The following SAMD5 variants were observed in gnomAD, a reference collection of about 807,000 sequenced individuals.
SAMD5 encodes the protein sterile alpha motif domain containing 5.
Under a neutral mutation model 11.3 loss-of-function variants are expected in SAMD5, and 13 were observed. The ratio of observed to expected loss-of-function variants is 1.15; its 90% CI spans 0.75 to 1.83. The LOEUF is 1.83. Among genes scored for constraint, SAMD5 ranks in the 40% most tolerant of loss-of-function variants. SAMD5 has a pLI of 0.00. For synonymous variants in SAMD5, 129 were observed against 111.3 expected (o/e 1.16, Z -1.00); for missense variants, 255 against 239.1 (o/e 1.07, Z -0.44).
At chr6:147,932,271 C>T in the SAMD5 span, among the ~76,000 whole-genome samples, 1 of 152,054 alleles carries the variant, frequency 6.6e-6, no homozygotes, top group Non-Finnish European at 1.5e-5. Flanking sequence ...TTTCAGAGAG[C>T]TGGGTCCTAG....
At chr6:147,511,882 TTTTC>T (rs1367163239) in intron 1 of SAMD5, among the ~76,000 whole-genome samples, 1 of 152,204 alleles carries the variant, frequency 6.6e-6, no homozygotes, top group Non-Finnish European at 1.5e-5. Flanking sequence ...TGCTAGAACT[TTTTC>T]TTTTCTTGTG....
chr6:147,840,668 G>C, the SAMD5 span, among the ~76,000 whole-genome samples: 1 of 152,200 alleles, frequency 6.6e-6, no homozygotes, highest in African/African-American at 2.4e-5. Context: ...GCTGGTTAAG[G>C]AATGTTTGCT....
intron 1 of SAMD5, among the ~76,000 whole-genome samples, chr6:147,684,792 A>C (rs1790986363): frequency 6.6e-6 from 1 of 152,230 alleles, no homozygotes; most frequent in Middle Eastern, 3.2e-3. Context: ...AATTGACTAA[A>C]GCTAACTTAA....
chr6:147,830,787 A>C, the SAMD5 span, among the ~76,000 whole-genome samples: 1 of 152,356 alleles, frequency 6.6e-6, no homozygotes, highest in South Asian at 2.1e-4. Flanking sequence ...TCACTAATGC[A>C]GGATTTTCTG....
At chr6:147,849,312 C>G in the SAMD5 span, among the ~76,000 whole-genome samples, 1 of 151,888 alleles carries the variant, frequency 6.6e-6, no homozygotes, top group Non-Finnish European at 1.5e-5. Flanking sequence ...CTTATATAAT[C>G]AAAAAGAGGC....
At chr6:147,698,125 A>T (rs9377076) in intron 1 of SAMD5, among the ~76,000 whole-genome samples, 101,972 of 151,974 alleles carry the variant, frequency 0.67, 34,379 homozygotes, top group Admixed American at 0.74. Flanking sequence ...ATCCAACAGG[A>T]GGCGGAGCTC....
At chr6:147,843,433 A>C in the SAMD5 span, among the ~76,000 whole-genome samples, 1 of 152,196 alleles carries the variant, frequency 6.6e-6, no homozygotes, top group African/African-American at 2.4e-5. Context: ...GTGAACTGCA[A>C]ATTCAGTGCA....
intron 1 of SAMD5, among the ~76,000 whole-genome samples, chr6:147,702,165 T>C (rs6926265): frequency 0.73 from 110,487 of 152,094 alleles, 40,993 homozygotes; most frequent in African/African-American, 0.88. Flanking sequence ...AAAGCATGTG[T>C]GGGGAAAAAC....
the SAMD5 span, among the ~76,000 whole-genome samples, chr6:147,818,356 T>C: frequency 0.17 from 25,669 of 152,198 alleles, 3,004 homozygotes; most frequent in African/African-American, 0.33. Flanking sequence ...GATGCATATG[T>C]TTACTGACTT....
chr6:147,951,873 T>A, the SAMD5 span, among the ~76,000 whole-genome samples: 1 of 152,218 alleles, frequency 6.6e-6, no homozygotes, highest in South Asian at 2.1e-4. Flanking sequence ...AGACTCTTAA[T>A]GTGTATTAGC....
In SAMD5 at chr6:147,565,308, T is replaced by G. The variant is rs779079023; in HGVS notation, c.*852T>G. Reference sequence around the variant, plus strand: ...CTCCAGGCTTCTGACTTCAGGCCTGTGGGGGCCGGGAGGTGGGCAGCGGCA... The same window carrying G: ...CTCCAGGCTTCTGACTTCAGGCCTGGGGGGGCCGGGAGGTGGGCAGCGGCA... On this transcript the variant is annotated 3_prime_UTR_variant, in exon 2 of 2. Coordinates refer to ENST00000367474, the MANE Select transcript of SAMD5 (RefSeq NM_001030060.3). The G allele has an allele frequency of 4.6e-5, 45 of 985,472 alleles. No individual in the cohort carries two copies. Among genetic ancestry groups the G allele is most frequent in the Middle Eastern group, 5.2e-4 (1 of 1,936 alleles). The allele number at this position is 985,472 out of a possible 1,614,324, so 61.0% of individuals were successfully genotyped here. A position where few individuals can be genotyped will look rare whatever the true frequency, so the allele number is the denominator to read the frequency against.
At chr6:147,690,878 A>G (rs757936536) in intron 1 of SAMD5, among the ~76,000 whole-genome samples, 9 of 151,978 alleles carry the variant, frequency 5.9e-5, no homozygotes, top group Non-Finnish European at 1.2e-4. Flanking sequence ...TAATTTAAAA[A>G]CACCCATACA....
At chr6:147,954,664 G>C in the SAMD5 span, among the ~76,000 whole-genome samples, 1 of 147,954 alleles carries the variant, frequency 6.8e-6, no homozygotes, top group Non-Finnish European at 1.5e-5. Flanking sequence ...TTTTGAGACA[G>C]AGTCTCGCTC....
chr6:147,845,537 C>A, the SAMD5 span, among the ~76,000 whole-genome samples: 1 of 152,020 alleles, frequency 6.6e-6, no homozygotes, highest in Non-Finnish European at 1.5e-5. Context: ...TCTCAAAACT[C>A]AACAATTTTA....
At chr6:147,899,032 T>A in the SAMD5 span, among the ~76,000 whole-genome samples, 1 of 151,526 alleles carries the variant, frequency 6.6e-6, no homozygotes, top group East Asian at 2.0e-4. Flanking sequence ...TACAAAAAAA[T>A]TAGCCAGGCG....
the SAMD5 span, among the ~76,000 whole-genome samples, chr6:147,919,185 G>C: frequency 2.0e-5 from 3 of 152,158 alleles, no homozygotes; most frequent in Admixed American, 2.0e-4. Flanking sequence ...TTGAAAAAAG[G>C]CATAGCACTT....
the SAMD5 span, among the ~76,000 whole-genome samples, chr6:147,845,074 A>T: frequency 1.3e-5 from 2 of 152,184 alleles, no homozygotes; most frequent in African/African-American, 4.8e-5. Context: ...CATTGTATAC[A>T]CGTATCAAGA....
chr6:147,842,788 T>A, the SAMD5 span, among the ~76,000 whole-genome samples: 3 of 152,234 alleles, frequency 2.0e-5, no homozygotes, highest in African/African-American at 7.2e-5. Flanking sequence ...TATCTTGAAA[T>A]AGGCATTTGT....
At chr6:147,574,188 A>C (rs754846524), downstream of SAMD5, among the ~76,000 whole-genome samples, 19 of 152,118 alleles carry the variant, frequency 1.2e-4, no homozygotes, top group Non-Finnish European at 2.4e-4. Context: ...ACATCAAAAA[A>C]TATGGTTGCC....
Sources: allele counts gnomAD v4.1 joint callset (sites outside exome capture counted in the v4.1 genomes callset), GRCh38; gene constraint gnomAD v4.1.1; transcripts MANE v1.5; gene names NCBI Gene and HGNC (gene_info 2026-07-23, HGNC 2026-07-21).